OR10G3: variants seen among roughly 807,000 people sequenced by gnomAD.
The protein encoded by OR10G3 is olfactory receptor family 10 subfamily G member 3, also known as olfactory receptor 10G3.
OR10G3 carries 8 observed loss-of-function variants against 13.4 expected under a neutral mutation model. The ratio of observed to expected loss-of-function variants is 0.60; its 90% CI spans 0.35 to 1.08. The LOEUF is 1.08. Ranked by LOEUF, OR10G3 falls within the 50% of genes least tolerant of loss-of-function variation. The pLI, the probability that OR10G3 is intolerant of heterozygous loss-of-function variation, is 0.02. For missense variants in OR10G3, 393 were observed against 386.6 expected (o/e 1.02, Z -0.14); for synonymous variants, 142 against 156.1 (o/e 0.91, Z 0.67).
intron 1 of OR10G3, among the ~76,000 whole-genome samples, chr14:21,572,309 A>AAAAAAAAAAAAAAAC (rs1893079526): frequency 7.1e-6 from 1 of 141,038 alleles, no homozygotes; most frequent in Non-Finnish European, 1.5e-5. Flanking sequence ...AAAAAAAAAA[A>AAAAAAAAAAAAAAAC]AAAAAAAGGC....
rs150020340 is a variant in OR10G3 at position 21,570,087 on chromosome 14, T to C, written c.658A>G (p.Ile220Val). The C allele has an allele frequency of 3.1e-6, 5 of 1,614,010 alleles. No homozygotes were observed. Among genetic ancestry groups the C allele is most frequent in the South Asian group, 2.2e-5 (2 of 91,088 alleles). Residue 220 changes from isoleucine to valine, a missense_variant, in exon 2 of 2, where the codon ATA (isoleucine) becomes GTA (valine). Transcript: ENST00000641040. ...SCFSLILLSY[I>V]QIIQAILRIH... ...CTCAGGATGGCCTGAATGATCTGTA[T>C]GTAGGAGAGGAGGATCAGGGAGAAG...
At chr14:21,578,136 C>T (rs749524674) in intron 1 of OR10G3, among the ~76,000 whole-genome samples, 4 of 151,896 alleles carry the variant, frequency 2.6e-5, no homozygotes, top group Admixed American at 1.3e-4. Flanking sequence ...AGAGGCCGGT[C>T]GCGGTGGCTC....
At chr14:21,578,327 C>A (rs1008000462) in intron 1 of OR10G3, among the ~76,000 whole-genome samples, 1 of 152,114 alleles carries the variant, frequency 6.6e-6, no homozygotes, top group Non-Finnish European at 1.5e-5. Context: ...AGGAGAGTAG[C>A]TTGAACCCGG....
chr14:21,575,544 CTAA>C (rs1269611880), intron 1 of OR10G3, among the ~76,000 whole-genome samples: 1 of 150,284 alleles, frequency 6.7e-6, no homozygotes, highest in Non-Finnish European at 1.5e-5. Context: ...CCATGCCCGG[CTAA>C]TTTTTGTATT....
intron 1 of OR10G3, among the ~76,000 whole-genome samples, chr14:21,577,273 C>T (rs1293846462): frequency 6.6e-6 from 1 of 152,046 alleles, no homozygotes; most frequent in Non-Finnish European, 1.5e-5. Flanking sequence ...AAACATGGCA[C>T]CGATGAAACC....
chr14:21,576,322 C>A (rs980155320), intron 1 of OR10G3, among the ~76,000 whole-genome samples: 1 of 152,136 alleles, frequency 6.6e-6, no homozygotes, highest in Admixed American at 6.5e-5. Context: ...AGGGCACCCA[C>A]GTATTAATAC....
rs1594492318 is a variant in OR10G3 at position 21,578,185 on chromosome 14, T to G, written c.-18+1601A>C. 3.9e-5 allele frequency among the ~76,000 whole-genome samples: 6 copies of G among 152,182 alleles called. No homozygotes were observed. The South Asian group carries it at 1.2e-3, about 32-fold the overall frequency. ...TAACACTTTGGGAGGCCAAGGCTGGTGGATCACCTGATGTCAGGAGTTTGA... is the reference window on the plus strand; with the variant it reads ...TAACACTTTGGGAGGCCAAGGCTGGGGGATCACCTGATGTCAGGAGTTTGA... On this transcript the variant is annotated intron_variant, in intron 1 of 1. Transcript: ENST00000641040.
At chr14:21,574,223 T>A (rs556236647) in intron 1 of OR10G3, among the ~76,000 whole-genome samples, 1 of 146,850 alleles carries the variant, frequency 6.8e-6, no homozygotes, top group Non-Finnish European at 1.5e-5. Flanking sequence ...GAATGGCATG[T>A]ACCGGGGAGG....
intron 1 of OR10G3, among the ~76,000 whole-genome samples, chr14:21,572,584 G>A (rs143566466): frequency 4.3e-4 from 53 of 124,072 alleles, no homozygotes; most frequent in African/African-American, 1.1e-3. Flanking sequence ...GTGACAGAGC[G>A]AGACTCCATC....
chr14:21,571,291 A>C (rs1400566189), intron 1 of OR10G3, among the ~76,000 whole-genome samples: 1 of 152,216 alleles, frequency 6.6e-6, no homozygotes, highest in Non-Finnish European at 1.5e-5. Flanking sequence ...AATATGCAGA[A>C]AGGAAATGCA....
rs184557369 is a variant in OR10G3, at chr14:21,569,005, G to A, written c.*798C>T. 6.3e-4 allele frequency: 96 copies of A among 151,274 alleles called. No individual in the cohort carries two copies. Among genetic ancestry groups the A allele is most frequent in the African/African-American group, 2.2e-3 (92 of 41,348 alleles). The allele number at this position is 151,274 out of a possible 1,614,324, so 9.4% of individuals were successfully genotyped here. A position where few individuals can be genotyped will look rare whatever the true frequency, so the allele number is the denominator to read the frequency against. On this transcript the variant is annotated 3_prime_UTR_variant, in exon 2 of 2. Transcript: ENST00000641040. The stretch of plus-strand genomic sequence containing the variant: ...GTGAGCCACCGCGCCCAGCGTTAGG[G>A]TTTTCTAGACGGACAGAACTAATGG...
intron 1 of OR10G3, among the ~76,000 whole-genome samples, chr14:21,571,729 C>T (rs949175602): frequency 1.3e-5 from 2 of 151,848 alleles, no homozygotes; most frequent in South Asian, 2.1e-4. Context: ...GCCTGGAGTG[C>T]AATAGCATGA....
In OR10G3 at chr14:21,580,005, C is replaced by T. The variant is rs1165561211; in HGVS notation, c.-237G>A. On this transcript the variant is annotated 5_prime_UTR_variant, in exon 1 of 2. Transcript: ENST00000641040. ...GCCTGCTTATTTGTAGAGATATCTGCTTCCAGCTTCCTTATGAACTGGGGG... is the reference window on the plus strand; with the variant it reads ...GCCTGCTTATTTGTAGAGATATCTGTTTCCAGCTTCCTTATGAACTGGGGG... 6.6e-6 allele frequency: 1 copy of T among 152,236 alleles called. No homozygotes were observed. Among genetic ancestry groups the T allele is most frequent in the African/African-American group, 2.4e-5 (1 of 41,450 alleles). 9.4% of individuals were successfully genotyped at this position (152,236 alleles called of 1,614,324 possible).
intron 1 of OR10G3, among the ~76,000 whole-genome samples, chr14:21,576,040 G>T (rs1044489415): frequency 1.3e-5 from 2 of 152,102 alleles, no homozygotes; most frequent in African/African-American, 4.8e-5. Flanking sequence ...GTGCACAATG[G>T]TAGCCCTGGG....
At chr14:21,577,840 T>C (rs1292363396) in intron 1 of OR10G3, among the ~76,000 whole-genome samples, 1 of 152,086 alleles carries the variant, frequency 6.6e-6, no homozygotes, top group East Asian at 1.9e-4. Context: ...CCGTCTCTAC[T>C]AAAAATACAA....
In OR10G3 at chr14:21,569,573, T is replaced by C. The variant is rs1003510181; in HGVS notation, c.*230A>G. The C allele has an allele frequency of 2.0e-6, 1 of 499,762 alleles. No individual in the cohort carries two copies. The allele number at this position is 499,762 out of a possible 1,614,324, so 31.0% of individuals were successfully genotyped here. On this transcript the variant is annotated 3_prime_UTR_variant, in exon 2 of 2. Transcript: ENST00000641040. ...TTCTTCTGGATTGTTTAATGTGGTT[T>C]AGTTTGTGAGAATTTGGTCTCATTC...
chr14:21,573,056 A>G (rs1294220656), intron 1 of OR10G3, among the ~76,000 whole-genome samples: 1 of 152,220 alleles, frequency 6.6e-6, no homozygotes, highest in Non-Finnish European at 1.5e-5. Context: ...AAAGACTTAA[A>G]CATAAGACCT....
At chr14:21,570,808 T>G in intron 1 of OR10G3, 47 bp from the exon 2 acceptor site, 3 of 1,099,834 alleles carry the variant, frequency 2.7e-6, no homozygotes, top group Non-Finnish European at 3.9e-6. Context: ...GAGAGGAAAG[T>G]GAGGGGGAAC....
intron 1 of OR10G3, 46 bp from the exon 2 acceptor site, chr14:21,570,807 G>C (rs933596878): frequency 6.4e-6 from 7 of 1,100,382 alleles, no homozygotes; most frequent in African/African-American, 4.7e-5. Flanking sequence ...TGAGAGGAAA[G>C]TGAGGGGGAA....
Sources: allele counts gnomAD v4.1 joint callset (sites outside exome capture counted in the v4.1 genomes callset), GRCh38; gene constraint gnomAD v4.1.1; transcripts MANE v1.5; gene names NCBI Gene and HGNC (gene_info 2026-07-23, HGNC 2026-07-21).